The following POT1 variants were observed in gnomAD, a reference collection of about 807,000 sequenced individuals.
The protein encoded by POT1 is protection of telomeres 1.
POT1 carries 47 observed loss-of-function variants against 78.5 expected under a neutral mutation model. That is an observed-to-expected ratio of 0.60 (90% CI 0.47 to 0.76). The LOEUF (loss-of-function observed/expected upper bound fraction) is 0.76, where lower values mean the gene tolerates loss of function less well. Ranked by LOEUF, POT1 falls within the 30% of genes least tolerant of loss-of-function variation. POT1 has a pLI of 0.00. For missense variants in POT1, 646 were observed against 749.9 expected (o/e 0.86, Z 1.62); for synonymous variants, 259 against 260.7 (o/e 0.99, Z 0.06).
chr7:124,876,479 A>C (rs188213446), intron 6 of POT1, among the ~76,000 whole-genome samples: 20 of 152,344 alleles, frequency 1.3e-4, no homozygotes, highest in African/African-American at 4.6e-4. Context: ...AAAAAAATGA[A>C]TGAGACAGCA....
At chr7:124,850,674 T>C (rs1729723739) in intron 11 of POT1, among the ~76,000 whole-genome samples, 1 of 150,934 alleles carries the variant, frequency 6.6e-6, no homozygotes. Flanking sequence ...GAGCTTGCAG[T>C]GAGCAGAGAT....
In POT1 at chr7:124,835,371, ATT is replaced by A. The variant is rs762706858; in HGVS notation, c.1411_1412del (p.Asn471Ter). On this transcript the variant is annotated frameshift_variant, in exon 15 of 19. Transcript: ENST00000357628. LOFTEE classifies it high-confidence loss of function. ...GGCCAGATCTCACAGGAATTACACT[ATT>A]AAACTTGTTCGAGAGTTTGCAAATT... ...SEICKLSNKF[N>X]SVIPVRSGHE... The A allele has an allele frequency of 6.2e-7, 1 of 1,614,008 alleles. No homozygotes were observed.
intron 8 of POT1, among the ~76,000 whole-genome samples, chr7:124,862,920 T>C (rs938565550): frequency 1.3e-5 from 2 of 152,134 alleles, no homozygotes; most frequent in Admixed American, 1.3e-4. Context: ...GTCCATGGTA[T>C]GACTATGAAG....
At chr7:124,855,885 T>G (rs1795435839) in intron 9 of POT1, among the ~76,000 whole-genome samples, 1 of 152,080 alleles carries the variant, frequency 6.6e-6, no homozygotes, top group African/African-American at 2.4e-5. Context: ...ATTTTATAAT[T>G]AACAATTGTG....
intron 3 of POT1, among the ~76,000 whole-genome samples, chr7:124,914,477 A>G (rs77928351): frequency 0.017 from 2,593 of 152,248 alleles, 71 homozygotes; most frequent in African/African-American, 0.059. Context: ...TCTGCTATGT[A>G]CAAGGCACTA....
chr7:124,873,582 C>T (rs919104982), intron 6 of POT1, among the ~76,000 whole-genome samples: 8 of 152,066 alleles, frequency 5.3e-5, no homozygotes, highest in Middle Eastern at 3.2e-3. Flanking sequence ...CTTTGTCTGT[C>T]TTCAGTATCA....
At chr7:124,847,222 C>T (rs1204722018) in intron 11 of POT1, among the ~76,000 whole-genome samples, 1 of 152,208 alleles carries the variant, frequency 6.6e-6, no homozygotes, top group Admixed American at 6.5e-5. Context: ...GGGGTGGGCA[C>T]AGTGGCTCAC....
chr7:124,920,929 A>G (rs1224193361), intron 2 of POT1, among the ~76,000 whole-genome samples: 1 of 149,948 alleles, frequency 6.7e-6, no homozygotes, highest in Non-Finnish European at 1.5e-5. Flanking sequence ...CTGCCACTAT[A>G]AAAAAAAAAT....
intron 6 of POT1, among the ~76,000 whole-genome samples, chr7:124,883,932 T>A (rs1796182923): frequency 6.6e-6 from 1 of 151,754 alleles, no homozygotes; most frequent in Admixed American, 6.6e-5. Flanking sequence ...CAATGAGTGA[T>A]TAATTACTCA....
chr7:124,910,606 A>C (rs1172162742), intron 3 of POT1, among the ~76,000 whole-genome samples: 1 of 152,028 alleles, frequency 6.6e-6, no homozygotes, highest in Non-Finnish European at 1.5e-5. Context: ...GGTTTTTACT[A>C]TCTAATGGCT....
chr7:124,863,398 A>G lies in POT1; in HGVS notation c.498T>C (p.Cys166=), dbSNP rs1362261402. 4.3e-6 allele frequency: 7 copies of G among 1,613,802 alleles called. No homozygotes were observed. The highest frequency in any genetic ancestry group is 1.3e-5 in the African/African-American group (1 of 74,930). Residue 166 remains cysteine, a synonymous_variant, in exon 8 of 19, where the codon TGT becomes TGC. Coordinates refer to ENST00000357628, the MANE Select transcript of POT1 (RefSeq NM_015450.3). The part of the protein sequence containing the change: ...VQPMQYFDLT[C]QLLGKAEVDG... The stretch of plus-strand genomic sequence containing the variant: ...CCACTTCTGCTTTGCCCAAGAGCTG[A>G]CAAGTCAGGTCAAAATACTGCATTG...
intron 3 of POT1, among the ~76,000 whole-genome samples, chr7:124,899,767 C>A (rs1796576230): frequency 6.6e-6 from 1 of 152,078 alleles, no homozygotes; most frequent in South Asian, 2.1e-4. Flanking sequence ...TCTTGTTATC[C>A]TCTGTTCCAC....
chr7:124,885,775 T>A (rs1796230298), intron 6 of POT1, among the ~76,000 whole-genome samples: 1 of 99,256 alleles, frequency 1.0e-5, no homozygotes, highest in Non-Finnish European at 2.2e-5. Flanking sequence ...CAAAAATAAA[T>A]AAATAAATAA....
intron 13 of POT1, among the ~76,000 whole-genome samples, chr7:124,842,073 G>A (rs771265597): frequency 4.6e-5 from 7 of 151,892 alleles, no homozygotes; most frequent in South Asian, 2.1e-4. Flanking sequence ...AATACATGGC[G>A]ATGTACATAG....
At chr7:124,928,537 G>A (rs186320613) in intron 2 of POT1, among the ~76,000 whole-genome samples, 191 of 152,296 alleles carry the variant, frequency 1.3e-3, no homozygotes, top group African/African-American at 4.4e-3. Flanking sequence ...TCAGGTGATT[G>A]ATCTGTCAGA....
intron 8 of POT1, among the ~76,000 whole-genome samples, chr7:124,860,384 T>C (rs753901170): frequency 5.9e-5 from 9 of 152,210 alleles, no homozygotes; most frequent in Non-Finnish European, 7.3e-5. Flanking sequence ...CCTACATAAA[T>C]AGTGTACACA....
chr7:124,860,021 T>C (rs886320257), intron 8 of POT1, among the ~76,000 whole-genome samples: 1 of 152,014 alleles, frequency 6.6e-6, no homozygotes, highest in African/African-American at 2.4e-5. Context: ...CAGGTTGAGA[T>C]GGAAAATGAT....
chr7:124,887,242 T>G (rs1377361975), intron 6 of POT1, among the ~76,000 whole-genome samples: 1 of 152,098 alleles, frequency 6.6e-6, no homozygotes, highest in African/African-American at 2.4e-5. Context: ...AAAATAGGTC[T>G]TCAAGCACAA....
At position 124,823,273 on chromosome 7, in the gene POT1, T is replaced by G. The variant is rs1356266369; in HGVS notation, c.*689A>C. 6.6e-6 allele frequency: 1 copy of G among 152,042 alleles called. No individual in the cohort carries two copies. Among genetic ancestry groups the G allele is most frequent in the African/African-American group, 2.4e-5 (1 of 41,422 alleles). 9.4% of individuals were successfully genotyped at this position (152,042 alleles called of 1,614,324 possible). On this transcript the variant is annotated 3_prime_UTR_variant, in exon 19 of 19. Transcript: ENST00000357628. ...AAACAGTTGAAATGTGTGCACTTAT[T>G]TATTCTTCACTAATATTAAACCAGG...
Sources: gnomAD v4.1 joint callset for allele counts (sites outside exome capture counted in the v4.1 genomes callset) on GRCh38, gnomAD v4.1.1 for gene constraint, MANE v1.5 for transcripts, NCBI Gene and HGNC (gene_info 2026-07-23, HGNC 2026-07-21) for gene names.